The following SLC15A4 variants were observed in gnomAD, a reference collection of about 807,000 sequenced individuals.
SLC15A4 encodes the protein hPHT1.
Under a neutral mutation model 46.1 loss-of-function variants are expected in SLC15A4, and 26 were observed. The ratio of observed to expected loss-of-function variants is 0.56; its 90% CI spans 0.41 to 0.78. The LOEUF (loss-of-function observed/expected upper bound fraction) is 0.78. SLC15A4 is among the 30% of genes least tolerant of loss of function. The pLI is 0.00. For missense variants in SLC15A4, 751 were observed against 755.7 expected, an observed-to-expected ratio of 0.99 and a Z score of 0.07; for synonymous variants, 370 against 333.4, an observed-to-expected ratio of 1.11 and a Z score of -1.20.
intron 7 of SLC15A4, among the ~76,000 whole-genome samples, chr12:128,795,639 G>A (rs1164164280): frequency 6.6e-6 from 1 of 152,240 alleles, no homozygotes; most frequent in Non-Finnish European, 1.5e-5. Context: ...TGTCCACTCT[G>A]CAAACTGGCA....
chr12:128,811,429 T>C (rs1955654527), intron 2 of SLC15A4, among the ~76,000 whole-genome samples: 1 of 152,220 alleles, frequency 6.6e-6, no homozygotes, highest in African/African-American at 2.4e-5. Context: ...TAGCCAAATT[T>C]TGGACAAGAA....
At chr12:128,802,211 G>A (rs12298615) in intron 5 of SLC15A4, among the ~76,000 whole-genome samples, 14,396 of 152,198 alleles carry the variant, frequency 0.095, 923 homozygotes, top group Admixed American at 0.2. Flanking sequence ...TCTGGAAAGG[G>A]CATCTGAGGG....
intron 1 of SLC15A4, among the ~76,000 whole-genome samples, chr12:128,816,856 G>A (rs1438967769): frequency 6.6e-6 from 1 of 152,122 alleles, no homozygotes; most frequent in Non-Finnish European, 1.5e-5. Flanking sequence ...TATGTAATAA[G>A]CACATGCATC....
chr12:128,794,272 A>T lies in SLC15A4; in HGVS notation c.1658T>A (p.Ile553Asn). ...TCGATGATGGTCATATTTCACAGAA[A>T]TAATGAGGAAAAGCAGGAGGGTAGC... The part of the protein sequence containing the change: ...QGATLLLFLI[I>N]SVKYDHHRDH... The change falls in exon 8 of 8, where the codon ATT (isoleucine) becomes AAT (asparagine). Residue 553 changes from isoleucine to asparagine, a missense_variant. Physicochemically the swap from Ile to Asn is moderately radical, Grantham distance 149. Coordinates refer to ENST00000266771, the MANE Select transcript of SLC15A4 (RefSeq NM_145648.4). 6.2e-7 allele frequency: 1 copy of T among 1,614,150 alleles called. No individual in the cohort carries two copies. Among genetic ancestry groups the T allele is most frequent in the Non-Finnish European group, 8.5e-7 (1 of 1,179,974 alleles).
In SLC15A4 at chr12:128,823,930, C is replaced by T. The variant is rs1955898686; in HGVS notation, c.14G>A (p.Gly5Glu). The change falls in exon 1 of 8, where the codon GGG (glycine) becomes GAG (glutamate). Residue 5 changes from glycine to glutamate, a missense_variant. Physicochemically the swap from Gly to Glu is moderately conservative, Grantham distance 98 (BLOSUM62 -2). Coordinates refer to ENST00000266771, the MANE Select transcript of SLC15A4 (RefSeq NM_145648.4). The part of the protein sequence containing the change: MEGS[G>E]GGAGERAPLL... The stretch of plus-strand genomic sequence containing the variant: ...CGGCGCCCGCTCGCCCGCACCGCCC[C>T]CAGAGCCCTCCATGCGACGCCGCCA... The T allele has an allele frequency of 6.2e-6, 4 of 644,076 alleles. No individual in the cohort carries two copies. In the Admixed American group the frequency reaches 2.6e-4, roughly 41 times the overall value. 39.9% of individuals were successfully genotyped at this position (644,076 alleles called of 1,614,324 possible).
At chr12:128,803,571 G>A (rs771205501) in intron 5 of SLC15A4, among the ~76,000 whole-genome samples, 15 of 152,088 alleles carry the variant, frequency 9.9e-5, no homozygotes, top group Middle Eastern at 3.2e-3. Flanking sequence ...CCAACCCAAC[G>A]GCTGTTTCAC....
chr12:128,804,503 GGGCA>G (rs1955556296), intron 5 of SLC15A4, among the ~76,000 whole-genome samples: 2 of 152,184 alleles, frequency 1.3e-5, no homozygotes, highest in Non-Finnish European at 2.9e-5. Flanking sequence ...AGGCCAAGGT[GGGCA>G]GATCACAAGG....
intron 1 of SLC15A4, among the ~76,000 whole-genome samples, chr12:128,818,214 G>A (rs182961704): frequency 2.0e-5 from 3 of 151,844 alleles, no homozygotes; most frequent in African/African-American, 2.4e-5. Flanking sequence ...GGGAAGATAC[G>A]GCCTGACATG....
intron 5 of SLC15A4, among the ~76,000 whole-genome samples, chr12:128,807,875 ATTTC>A (rs979892159): frequency 5.8e-4 from 88 of 152,366 alleles, no homozygotes; most frequent in African/African-American, 2.1e-3. Flanking sequence ...CCAGGGACTA[ATTTC>A]TTTAAATCTA....
chr12:128,822,859 A>G (rs1168796806), intron 1 of SLC15A4, among the ~76,000 whole-genome samples: 1 of 148,262 alleles, frequency 6.7e-6, no homozygotes, highest in African/African-American at 2.5e-5. Flanking sequence ...TTATTTATTT[A>G]TTTTTTTGAG....
At chr12:128,801,104 G>A (rs999094020) in intron 5 of SLC15A4, 95 bp from the exon 6 acceptor site, 10 of 1,199,494 alleles carry the variant, frequency 8.3e-6, no homozygotes, top group African/African-American at 4.6e-5. Context: ...CGTAGCAAAC[G>A]TGATTCTGAT....
chr12:128,807,363 T>C lies in SLC15A4; in HGVS notation c.1258+1425A>G, dbSNP rs577707505. On this transcript the variant is annotated intron_variant, in intron 5 of 7. Coordinates refer to ENST00000266771, the MANE Select transcript of SLC15A4 (RefSeq NM_145648.4). ...GAAGTGATTCAGCCATTTATGAAAC[T>C]GAAAGAGAGGATGTTAGGAAAGGAG... is the stretch of plus-strand genomic sequence containing the variant. 6.6e-5 allele frequency among the ~76,000 whole-genome samples: 10 copies of C among 152,164 alleles called. No homozygotes were observed. In the East Asian group the frequency reaches 1.9e-3, roughly 29 times the overall value.
intron 2 of SLC15A4, among the ~76,000 whole-genome samples, chr12:128,812,434 C>T (rs2135716373): frequency 6.6e-6 from 1 of 152,288 alleles, no homozygotes; most frequent in Admixed American, 6.5e-5. Context: ...ATTCTCCTGC[C>T]TCAGCCCCCC....
At position 128,802,605 on chromosome 12, in the gene SLC15A4, G is replaced by A. The variant is rs142335474; in HGVS notation, c.1259-1596C>T. ...TCTGCAGGGGGCGGGACAAGGGAAGGTTACTCATGCGGAGGACAATAAGTA... is the reference window on the plus strand; with the variant it reads ...TCTGCAGGGGGCGGGACAAGGGAAGATTACTCATGCGGAGGACAATAAGTA... On this transcript the variant is annotated intron_variant, in intron 5 of 7. Coordinates refer to ENST00000266771, the MANE Select transcript of SLC15A4 (RefSeq NM_145648.4). 7.8e-3 allele frequency among the ~76,000 whole-genome samples: 1,185 copies of A among 152,296 alleles called. 13 individuals are homozygous for A. The highest frequency in any genetic ancestry group is 0.027 in the African/African-American group (1,121 of 41,548).
In SLC15A4 at chr12:128,813,492, G is replaced by T. The variant is rs150325104; in HGVS notation, c.842+1283C>A. 2.0e-3 allele frequency: 302 copies of T among 152,366 alleles called. 1 individual carries two copies. The highest frequency in any genetic ancestry group is 2.2e-3 in the Non-Finnish European group (151 of 68,058). The allele number at this position is 152,366 out of a possible 1,614,324, so 9.4% of individuals were successfully genotyped here. A position where few individuals can be genotyped will look rare whatever the true frequency, so the allele number is the denominator to read the frequency against. ...ATCAGAGATGTTCAGGAGCAAAGTA[G>T]GCGCACAGGGCTATTTTGGTGAAGT... On this transcript the variant is annotated intron_variant, in intron 2 of 7. Coordinates refer to ENST00000266771, the MANE Select transcript of SLC15A4 (RefSeq NM_145648.4).
At chr12:128,819,022 A>T (rs1470706403) in intron 1 of SLC15A4, among the ~76,000 whole-genome samples, 1 of 152,208 alleles carries the variant, frequency 6.6e-6, no homozygotes, top group Non-Finnish European at 1.5e-5. Context: ...TCTTTCATTT[A>T]AAAAAATTCC....
rs1476278014 is a variant in SLC15A4, at chr12:128,823,646, G to A, written c.298C>T (p.Leu100=). Reference sequence around the variant, plus strand: ...AGCAGGATGGCGCGCGCCCGGCCCAGCCGCGCGTCGGCCAGCCAGCCTCCG... The same window carrying A: ...AGCAGGATGGCGCGCGCCCGGCCCAACCGCGCGTCGGCCAGCCAGCCTCCG... ...PFGGWLADAR[L]GRARAILLSL... Residue 100 remains leucine (L), a synonymous_variant, in exon 1 of 8, where the codon CTG becomes TTG. Coordinates refer to ENST00000266771, the MANE Select transcript of SLC15A4 (RefSeq NM_145648.4). 5.4e-6 allele frequency: 8 copies of A among 1,489,312 alleles called. No individual in the cohort carries two copies. The highest frequency in any genetic ancestry group is 7.1e-6 in the Non-Finnish European group (8 of 1,124,578). The allele number at this position is 1,489,312 out of a possible 1,614,324, so 92.3% of individuals were successfully genotyped here.
At position 128,799,427 on chromosome 12, in the gene SLC15A4, G is replaced by A; in HGVS notation, c.1415-10C>T. 1 of 1,613,606 alleles carries A rather than the reference G, an allele frequency of 6.2e-7. No individual in the cohort carries two copies. The highest frequency in any genetic ancestry group is 1.7e-4 in the Middle Eastern group (1 of 6,056). Reference sequence around the variant, plus strand: ...TATGCAAATTCCAGGCCTGAGGAAAGAAAAGGGAGGGTCGTTTTTGTGAAA... The same window carrying A: ...TATGCAAATTCCAGGCCTGAGGAAAAAAAAGGGAGGGTCGTTTTTGTGAAA... On this transcript the variant is annotated splice_polypyrimidine_tract_variant and intron_variant, in intron 6 of 7. Transcript: ENST00000266771.
intron 7 of SLC15A4, among the ~76,000 whole-genome samples, 171 bp downstream of exon 7, chr12:128,799,088 G>A (rs566719202): frequency 6.6e-6 from 1 of 152,318 alleles, no homozygotes; most frequent in East Asian, 1.9e-4. Flanking sequence ...ATGATGTAAG[G>A]AAACACAGTG....
Sources: gnomAD v4.1 joint callset for allele counts (sites outside exome capture counted in the v4.1 genomes callset) on GRCh38, gnomAD v4.1.1 for gene constraint, MANE v1.5 for transcripts, NCBI Gene and HGNC (gene_info 2026-07-23, HGNC 2026-07-21) for gene names.